MTPN: variants seen among roughly 807,000 people sequenced by gnomAD.
The protein encoded by MTPN is myotrophin.
In MTPN, 2 loss-of-function variants were observed where a neutral mutation model predicts 13.5. That is an observed-to-expected ratio of 0.15 (90% confidence interval 0.06 to 0.47). MTPN has a LOEUF of 0.47. Among genes scored for constraint, MTPN ranks in the 20% least tolerant of loss-of-function variants. The pLI, the probability that MTPN is intolerant of heterozygous loss-of-function variation, is 0.97. For missense variants in MTPN, 79 were observed against 137.9 expected (o/e 0.57, Z 2.14); for synonymous variants, 46 against 51.7 (o/e 0.89, Z 0.48).
At chr7:135,962,337 C>A (rs59514193) in intron 1 of MTPN, among the ~76,000 whole-genome samples, 10,823 of 151,778 alleles carry the variant, frequency 0.071, 460 homozygotes, top group African/African-American at 0.1. Flanking sequence ...AAATAACACA[C>A]AAAACACATA....
In MTPN at chr7:135,971,238, T is replaced by C. The variant is rs1290658289; in HGVS notation, c.72+5791A>G. 1.4e-4 allele frequency among the ~76,000 whole-genome samples: 22 copies of C among 152,196 alleles called. No individual in the cohort carries two copies. In the South Asian group the frequency reaches 4.4e-3, roughly 30 times the overall value. ...AGGGAAGTTAGAGACCAGGCTTCTA[T>C]TTCACAGCAAGTGAAATAGAAGTAC... On this transcript the variant is annotated intron_variant, in intron 1 of 3. Coordinates refer to ENST00000393085, the MANE Select transcript of MTPN (RefSeq NM_145808.4).
chr7:135,965,875 A>C (rs1416148599), intron 1 of MTPN, among the ~76,000 whole-genome samples: 1 of 152,188 alleles, frequency 6.6e-6, no homozygotes, highest in Non-Finnish European at 1.5e-5. Context: ...TGAAAACAAC[A>C]AAGGAAGGGA....
intron 3 of MTPN, among the ~76,000 whole-genome samples, chr7:135,941,695 T>C (rs1163926030): frequency 6.6e-6 from 1 of 152,162 alleles, no homozygotes; most frequent in Admixed American, 6.5e-5. Flanking sequence ...CTTGGATTTG[T>C]TCTTATGGTA....
At chr7:135,941,494 T>G (rs975971794) in intron 3 of MTPN, among the ~76,000 whole-genome samples, 1 of 143,342 alleles carries the variant, frequency 7.0e-6, no homozygotes, top group Non-Finnish European at 1.5e-5. Context: ...ATTCAATTCT[T>G]AAAATGTCAA....
intron 1 of MTPN, among the ~76,000 whole-genome samples, chr7:135,972,231 G>GCACACACACA (rs67168370): frequency 8.0e-6 from 1 of 124,696 alleles, no homozygotes; most frequent in Admixed American, 7.5e-5. Context: ...GCACGCGCGC[G>GCACACACACA]CACACACACA....
chr7:135,963,897 G>A (rs913467999), intron 1 of MTPN, among the ~76,000 whole-genome samples: 1 of 151,898 alleles, frequency 6.6e-6, no homozygotes, highest in East Asian at 1.9e-4. Context: ...TCTTTGGAAG[G>A]TTTAGAAGCA....
intron 1 of MTPN, among the ~76,000 whole-genome samples, chr7:135,953,762 T>A (rs1392939354): frequency 1.3e-5 from 2 of 152,140 alleles, no homozygotes; most frequent in South Asian, 2.1e-4. Flanking sequence ...AAATATATAT[T>A]TTTTTGGAGG....
intron 2 of MTPN, 69 bp from the exon 3 acceptor site, chr7:135,950,751 A>G (rs761696421): frequency 8.1e-7 from 1 of 1,237,370 alleles, no homozygotes; most frequent in Non-Finnish European, 1.2e-6. Context: ...TTTTAACTAG[A>G]AAACTCTTTC....
intron 2 of MTPN, 52 bp downstream of exon 2, chr7:135,951,465 C>T (rs1799362857): frequency 1.9e-6 from 2 of 1,069,178 alleles, no homozygotes; most frequent in Non-Finnish European, 2.8e-6. Context: ...AACAATTACC[C>T]ATAGCATATT....
rs893337096 is a variant in MTPN at position 135,948,638 on chromosome 7, A to G, written c.270+1961T>C. Among the ~76,000 whole-genome samples, 3 of 152,198 alleles carry G rather than the reference A, an allele frequency of 2.0e-5. No individual in the cohort carries two copies. The South Asian group carries it at 6.2e-4, about 31-fold the overall frequency. ...TCTTTAACAACGGAAACTTACAACC[A>G]CAAGGTCTCAATGACCTGAAGCCTC... On this transcript the variant is annotated intron_variant, in intron 3 of 3. Transcript: ENST00000393085.
intron 1 of MTPN, among the ~76,000 whole-genome samples, chr7:135,972,221 GCACGCGCGCGCA>G (rs1293521300): frequency 4.2e-4 from 40 of 96,222 alleles, no homozygotes; most frequent in Non-Finnish European, 6.8e-4. Context: ...GCGCACACGC[GCACGCGCGCGCA>G]CACACACACA....
At chr7:135,971,248 A>C (rs1027513169) in intron 1 of MTPN, among the ~76,000 whole-genome samples, 4 of 152,168 alleles carry the variant, frequency 2.6e-5, no homozygotes, top group Admixed American at 2.6e-4. Flanking sequence ...TTTCACAGCA[A>C]GTGAAATAGA....
intron 3 of MTPN, among the ~76,000 whole-genome samples, chr7:135,931,420 G>A (rs1168470924): frequency 6.6e-6 from 1 of 152,142 alleles, no homozygotes; most frequent in South Asian, 2.1e-4. Context: ...GGCTGATTAG[G>A]TAAACCAGGG....
intron 1 of MTPN, among the ~76,000 whole-genome samples, chr7:135,952,585 T>C (rs1434563492): frequency 6.6e-6 from 1 of 152,208 alleles, no homozygotes; most frequent in Non-Finnish European, 1.5e-5. Context: ...CCATTCTCTT[T>C]CTGTACCAAC....
chr7:135,968,191 T>C (rs1799635353), intron 1 of MTPN, among the ~76,000 whole-genome samples: 2 of 152,282 alleles, frequency 1.3e-5, no homozygotes, highest in East Asian at 3.9e-4. Flanking sequence ...ATATGTCAAA[T>C]TGAAATCTTC....
rs1771255703 is a variant in MTPN, at chr7:135,927,602, T to C, written c.*2324A>G. ...TACTCAAAATATGAACATTAAGTGT[T>C]GTGAATTTGTCTGCCAAGTGGTTCA... is the stretch of plus-strand genomic sequence containing the variant. On this transcript the variant is annotated 3_prime_UTR_variant, in exon 4 of 4. Coordinates refer to ENST00000393085, the MANE Select transcript of MTPN (RefSeq NM_145808.4). 2 of 681,532 alleles carry C rather than the reference T, an allele frequency of 2.9e-6. No individual in the cohort carries two copies. 42.2% of individuals were successfully genotyped at this position (681,532 alleles called of 1,614,324 possible). A position where few individuals can be genotyped will look rare whatever the true frequency, so the allele number is the denominator to read the frequency against.
chr7:135,952,027 T>C (rs757888439), intron 1 of MTPN, among the ~76,000 whole-genome samples: 7 of 152,230 alleles, frequency 4.6e-5, no homozygotes, highest in Non-Finnish European at 7.3e-5. Flanking sequence ...CCCACTTTGA[T>C]GTAGGCAGCC....
chr7:135,937,256 T>C (rs979544750), intron 3 of MTPN, among the ~76,000 whole-genome samples: 5 of 152,066 alleles, frequency 3.3e-5, no homozygotes, highest in East Asian at 1.9e-4. Flanking sequence ...TACTGATAAA[T>C]TGACAGAATA....
intron 3 of MTPN, among the ~76,000 whole-genome samples, chr7:135,950,036 T>C (rs1799340205): frequency 6.6e-6 from 1 of 152,190 alleles, no homozygotes; most frequent in South Asian, 2.1e-4. Context: ...ACTAAATGGT[T>C]AATTTCTGAG....
Sources: gnomAD v4.1 joint callset for allele counts (sites outside exome capture counted in the v4.1 genomes callset) on GRCh38, gnomAD v4.1.1 for gene constraint, MANE v1.5 for transcripts, NCBI Gene and HGNC (gene_info 2026-07-23, HGNC 2026-07-21) for gene names.